Variants in RTL9 observed in about 807,000 individuals in gnomAD.
The protein encoded by RTL9 is retrotransposon Gag-like protein 9.
Under a neutral mutation model 44.7 loss-of-function variants are expected in RTL9, and 19 were observed. That is an observed-to-expected ratio of 0.42 (90% confidence interval 0.30 to 0.62). The LOEUF is 0.62. Ranked by LOEUF, RTL9 falls within the 20% of genes least tolerant of loss-of-function variation. RTL9 has a pLI of 0.16. For missense variants in RTL9, 1,105 were observed against 1,080.6 expected (o/e 1.02, Z -0.32); for synonymous variants, 407 against 398.9 (o/e 1.02, Z -0.24).
chrX:110,455,858 C>T (rs890040239), exon 2 of RTL9: 1 of 112,547 alleles, frequency 8.9e-6, no homozygotes, highest in Non-Finnish European at 1.9e-5. Flanking sequence ...CTGAACCATT[C>T]GTTTTGACCC....
exon 1 of RTL9, chrX:110,451,473 A>G: frequency 8.3e-7 from 1 of 1,211,895 alleles, no homozygotes; most frequent in Non-Finnish European, 1.1e-6. Flanking sequence ...ACCCCAGCCA[A>G]CAAGCACCCA....
chrX:110,374,440 G>T (rs1160017764), intron 1 of RTL9, among the ~76,000 whole-genome samples: 3 of 111,721 alleles, frequency 2.7e-5, no homozygotes, highest in Non-Finnish European at 5.6e-5. Flanking sequence ...CCTGAGATTG[G>T]ATCCCCCAGC....
At chrX:110,429,723 C>T (rs1482802321) in intron 1 of RTL9, among the ~76,000 whole-genome samples, 1 of 111,149 alleles carries the variant, frequency 9.0e-6, no homozygotes, top group Non-Finnish European at 1.9e-5. Context: ...CTCAAGTGTT[C>T]CACCTGTCTC....
chrX:110,453,016 C>T, exon 1 of RTL9: 1 of 1,211,597 alleles, frequency 8.3e-7, no homozygotes, highest in Non-Finnish European at 1.1e-6. Flanking sequence ...CTAATGAGAG[C>T]TCCAGCTTCT....
chrX:110,377,144 A>G (rs2068382415), intron 1 of RTL9, among the ~76,000 whole-genome samples: 1 of 111,775 alleles, frequency 8.9e-6, no homozygotes, highest in African/African-American at 3.3e-5. Flanking sequence ...TACAGGAGAT[A>G]ACTGCCCAAG....
intron 1 of RTL9, among the ~76,000 whole-genome samples, chrX:110,437,916 C>T (rs2068850933): frequency 9.0e-6 from 1 of 111,568 alleles, no homozygotes; most frequent in African/African-American, 3.3e-5. Flanking sequence ...AGGGAGTTCC[C>T]CTATCTCTTA....
upstream of RTL9, among the ~76,000 whole-genome samples, chrX:110,450,370 A>G (rs747531572): frequency 1.7e-3 from 188 of 111,675 alleles, 1 homozygote; most frequent in Non-Finnish European, 3.2e-3. Context: ...TGGTTTGAAA[A>G]GGATAGAGGC....
chrX:110,452,040 G>A (rs2068945596), exon 1 of RTL9: 6 of 1,210,153 alleles, frequency 5.0e-6, no homozygotes, highest in Non-Finnish European at 6.7e-6. Context: ...AACTTCTGGA[G>A]CAATGCCCAC....
chrX:110,450,735 C>G (rs1349908350), exon 1 of RTL9: 1 of 1,209,044 alleles, frequency 8.3e-7, no homozygotes, highest in East Asian at 3.0e-5. Flanking sequence ...AGCAGACGTA[C>G]AGATTCTGCA....
At chrX:110,385,878 C>G in intron 1 of RTL9, among the ~76,000 whole-genome samples, 1 of 111,500 alleles carries the variant, frequency 9.0e-6, no homozygotes, top group South Asian at 3.8e-4. Flanking sequence ...TCCATGTGTA[C>G]CCAGTGTTTA....
chrX:110,415,706 G>C (rs1040800966), upstream of RTL9, among the ~76,000 whole-genome samples: 3 of 111,131 alleles, frequency 2.7e-5, no homozygotes, highest in African/African-American at 9.8e-5. Flanking sequence ...CCTGGGTTGA[G>C]GTATTTCTTT....
At chrX:110,398,868 G>C (rs776445128) in intron 1 of RTL9, among the ~76,000 whole-genome samples, 2 of 112,177 alleles carry the variant, frequency 1.8e-5, no homozygotes, top group Non-Finnish European at 3.8e-5. Context: ...TTCATTTGCC[G>C]ACTTTAATTG....
upstream of RTL9, among the ~76,000 whole-genome samples, chrX:110,417,969 G>A (rs957248087): frequency 3.5e-5 from 4 of 112,789 alleles, no homozygotes; most frequent in African/African-American, 1.3e-4. Flanking sequence ...AGGGGCAAGA[G>A]CAATGAATTG....
chrX:110,392,570 A>G (rs2068502306), intron 1 of RTL9, among the ~76,000 whole-genome samples: 1 of 112,249 alleles, frequency 8.9e-6, no homozygotes, highest in Non-Finnish European at 1.9e-5. Context: ...GGCGTGAGCC[A>G]CTGTGCCCAG....
chrX:110,439,151 G>A (rs1214516045), intron 1 of RTL9, among the ~76,000 whole-genome samples: 1 of 112,016 alleles, frequency 8.9e-6, no homozygotes, highest in African/African-American at 3.2e-5. Context: ...AAGGACAAGA[G>A]GGGCTGATTC....
At chrX:110,413,317 G>C (rs1332107034) in intron 1 of RTL9, among the ~76,000 whole-genome samples, 4 of 111,396 alleles carry the variant, frequency 3.6e-5, no homozygotes, top group Non-Finnish European at 5.7e-5. Context: ...TTTGCCACCA[G>C]CGCCCTCTAG....
chrX:110,423,672 G>A (rs1435276976), intron 1 of RTL9, among the ~76,000 whole-genome samples: 1 of 112,358 alleles, frequency 8.9e-6, no homozygotes, highest in Non-Finnish European at 1.9e-5. Context: ...TATGTGTCAG[G>A]CCCTGTACTT....
intron 1 of RTL9, among the ~76,000 whole-genome samples, chrX:110,392,305 C>T (rs1003700763): frequency 2.2e-5 from 2 of 90,282 alleles, no homozygotes; most frequent in African/African-American, 8.7e-5. Context: ...GAGACAAGGT[C>T]TCACTCTATC....
upstream of RTL9, among the ~76,000 whole-genome samples, chrX:110,448,095 C>A (rs2068918269): frequency 8.9e-6 from 1 of 112,117 alleles, no homozygotes; most frequent in Non-Finnish European, 1.9e-5. Flanking sequence ...TGAATCCTAG[C>A]CCTATGGCAG....
Sources: allele counts gnomAD v4.1 joint callset (sites outside exome capture counted in the v4.1 genomes callset), GRCh38; gene constraint gnomAD v4.1.1; transcripts MANE v1.5; gene names NCBI Gene and HGNC (gene_info 2026-07-23, HGNC 2026-07-21).